Variants in TLN2 observed in about 807,000 individuals in gnomAD.
The protein encoded by TLN2 is talin-2.
TLN2 carries 118 observed loss-of-function variants against 294.7 expected under a neutral mutation model. The ratio of observed to expected loss-of-function variants is 0.40; its 90% CI spans 0.34 to 0.47. TLN2 has a LOEUF of 0.47. Among genes scored for constraint, TLN2 ranks in the 20% least tolerant of loss-of-function variants. The pLI, the probability that TLN2 is intolerant of heterozygous loss-of-function variation, is 0.84. For synonymous variants in TLN2, 1,431 were observed against 1,304.5 expected (o/e 1.10, Z -2.09); for missense variants, 3,083 against 3,282.2 (o/e 0.94, Z 1.48).
At chr15:62,667,201 A>T (rs12441578) in intron 9 of TLN2, among the ~76,000 whole-genome samples, 22 of 152,106 alleles carry the variant, frequency 1.4e-4, no homozygotes, top group South Asian at 1.2e-3. Flanking sequence ...CTCCTGACCT[A>T]GTGATCCGCC....
intron 42 of TLN2, 139 bp downstream of exon 42, chr15:62,771,273 A>G: frequency 1.0e-6 from 1 of 987,786 alleles, no homozygotes; most frequent in South Asian, 2.9e-5. Context: ...GATCAGAAAT[A>G]ATCTATTGGC....
At chr15:62,489,977 C>T (rs1212781057) in intron 1 of TLN2, among the ~76,000 whole-genome samples, 2 of 152,184 alleles carry the variant, frequency 1.3e-5, no homozygotes, top group African/African-American at 2.4e-5. Context: ...CTAGTTATGC[C>T]GCTCTCAAAT....
intron 1 of TLN2, among the ~76,000 whole-genome samples, chr15:62,496,684 A>C (rs1238932065): frequency 6.6e-6 from 1 of 152,176 alleles, no homozygotes; most frequent in Non-Finnish European, 1.5e-5. Flanking sequence ...TTATGCATTG[A>C]TGGCTGTGGT....
chr15:62,477,137 T>C (rs1369010158), intron 1 of TLN2, among the ~76,000 whole-genome samples: 1 of 152,238 alleles, frequency 6.6e-6, no homozygotes, highest in Non-Finnish European at 1.5e-5. Flanking sequence ...AGTAAAAGCC[T>C]AAGTAAACTG....
chr15:62,693,955 CTTTTTTTTTTTTTTTTTT>C (rs71131123), intron 13 of TLN2, among the ~76,000 whole-genome samples: 1 of 94,176 alleles, frequency 1.1e-5, no homozygotes, highest in African/African-American at 4.0e-5. Context: ...GATTTTCTTT[CTTTTTTTTTTTTTTTTTT>C]TTTTTTTTTT....
At chr15:62,752,176 A>G in intron 34 of TLN2, 129 bp from the exon 35 acceptor site, 7 of 1,252,290 alleles carry the variant, frequency 5.6e-6, no homozygotes, top group Non-Finnish European at 7.8e-6. Context: ...TTTTAATCCA[A>G]ATAAAGGAGA....
At chr15:62,500,514 T>C (rs977936105) in intron 1 of TLN2, among the ~76,000 whole-genome samples, 28 of 152,288 alleles carry the variant, frequency 1.8e-4, no homozygotes, top group Non-Finnish European at 4.1e-4. Context: ...TGGATTAGAA[T>C]GTTTAAACTA....
intron 32 of TLN2, among the ~76,000 whole-genome samples, chr15:62,745,936 A>G (rs1292880746): frequency 6.6e-6 from 1 of 152,252 alleles, no homozygotes; most frequent in African/African-American, 2.4e-5. Context: ...TCTCACTTAG[A>G]CACACGATGC....
chr15:62,653,205 T>C lies in TLN2; in HGVS notation c.408T>C (p.Ile136=), dbSNP rs779147979. 5 of 1,607,824 alleles carry C rather than the reference T, an allele frequency of 3.1e-6. No individual in the cohort carries two copies. The highest frequency in any genetic ancestry group is 4.2e-6 in the Non-Finnish European group (5 of 1,177,070). ...AATACTCCTTAATCCAAGAAACTATTGAAGAAAAGAAAGAGGAAGGAACGG... is the reference window on the plus strand; with the variant it reads ...AATACTCCTTAATCCAAGAAACTATCGAAGAAAAGAAAGAGGAAGGAACGG... ...YEEYSLIQET[I]EEKKEEGTGT... Residue 136 remains isoleucine (I), a synonymous_variant, in exon 7 of 59, where the codon ATT becomes ATC. Transcript: ENST00000636159.
chr15:62,759,732 G>A (rs951108831), intron 37 of TLN2, among the ~76,000 whole-genome samples: 2 of 152,208 alleles, frequency 1.3e-5, no homozygotes, highest in African/African-American at 4.8e-5. Context: ...CCCAGCTGAA[G>A]GGGTATGATT....
At chr15:62,432,546 A>G (rs2035063949) in intron 1 of TLN2, among the ~76,000 whole-genome samples, 1 of 152,232 alleles carries the variant, frequency 6.6e-6, no homozygotes, top group Non-Finnish European at 1.5e-5. Flanking sequence ...TGGATCGTAC[A>G]CAGGGTACCA....
At chr15:62,592,136 A>C (rs547034794) in intron 2 of TLN2, among the ~76,000 whole-genome samples, 159 of 152,242 alleles carry the variant, frequency 1.0e-3, no homozygotes, top group African/African-American at 3.7e-3. Context: ...AGAGGGAATA[A>C]AGGACTGAAT....
chr15:62,728,779 C>T (rs771020835), intron 28 of TLN2, among the ~76,000 whole-genome samples: 1 of 152,116 alleles, frequency 6.6e-6, no homozygotes, highest in Non-Finnish European at 1.5e-5. Flanking sequence ...TTGTTACTTA[C>T]ATGTATTTCT....
intron 1 of TLN2, among the ~76,000 whole-genome samples, chr15:62,439,709 G>A (rs1014536511): frequency 2.0e-5 from 3 of 152,174 alleles, no homozygotes; most frequent in Admixed American, 6.5e-5. Flanking sequence ...GCCAGTCAGT[G>A]ACTCTCTGAT....
intron 1 of TLN2, among the ~76,000 whole-genome samples, chr15:62,457,635 T>C (rs570379970): frequency 7.0e-4 from 107 of 152,246 alleles, no homozygotes; most frequent in African/African-American, 2.1e-3. Flanking sequence ...GGCAGGGAGC[T>C]GGCTGGTTTG....
chr15:62,574,383 C>T (rs1466057654), intron 1 of TLN2, among the ~76,000 whole-genome samples: 1 of 151,058 alleles, frequency 6.6e-6, no homozygotes, highest in Non-Finnish European at 1.5e-5. Flanking sequence ...TAAGACCAGC[C>T]CAAGCAACAT....
At chr15:62,630,526 A>G (rs1419615440) in intron 3 of TLN2, among the ~76,000 whole-genome samples, 1 of 152,224 alleles carries the variant, frequency 6.6e-6, no homozygotes, top group Non-Finnish European at 1.5e-5. Context: ...ATCTCATCAC[A>G]GAGGAAGGTC....
chr15:62,466,612 A>G (rs774701842), intron 1 of TLN2, among the ~76,000 whole-genome samples: 2 of 152,232 alleles, frequency 1.3e-5, no homozygotes, highest in Admixed American at 6.5e-5. Context: ...CAGCTTTTAT[A>G]TTAGCATGAT....
intron 1 of TLN2, among the ~76,000 whole-genome samples, chr15:62,562,259 G>A (rs2043029644): frequency 6.6e-6 from 1 of 152,124 alleles, no homozygotes; most frequent in African/African-American, 2.4e-5. Context: ...TTTTACCCAT[G>A]TATCTTGCTG....
Sources: gnomAD v4.1 joint callset for allele counts (sites outside exome capture counted in the v4.1 genomes callset) on GRCh38, gnomAD v4.1.1 for gene constraint, MANE v1.5 for transcripts, NCBI Gene and HGNC (gene_info 2026-07-23, HGNC 2026-07-21) for gene names.